The following SEPTIN7 variants were observed in gnomAD, a reference collection of about 807,000 sequenced individuals.
The protein encoded by SEPTIN7 is septin 7, also known as septin-7.
A neutral mutation model predicts 63.3 loss-of-function variants in SEPTIN7; 10 were observed. The observed-to-expected ratio is 0.16, with a 90% CI of 0.10 to 0.27. The LOEUF (loss-of-function observed/expected upper bound fraction) is 0.27, where lower values mean the gene tolerates loss of function less well. SEPTIN7 is among the 10% of genes least tolerant of loss of function. The probability of loss-of-function intolerance (pLI) is 1.00; values close to 1 mark genes in which losing one functional copy is unlikely to be tolerated. For synonymous variants in SEPTIN7, 131 were observed against 165.3 expected (o/e 0.79, Z 1.59); for missense variants, 310 against 521.0 (o/e 0.59, Z 3.94).
At chr7:35,826,902 G>A (rs540595773) in intron 1 of SEPTIN7, among the ~76,000 whole-genome samples, 2 of 152,074 alleles carry the variant, frequency 1.3e-5, no homozygotes, top group South Asian at 2.1e-4. Context: ...GCAAGAGAAC[G>A]TAAAGAATTC....
At chr7:35,900,443 T>G (rs920088478) in intron 12 of SEPTIN7, 1 of 152,252 alleles carries the variant, frequency 6.6e-6, no homozygotes, top group African/African-American at 2.4e-5. Context: ...GTCTTAGCTA[T>G]TGCTGTTGTA....
At chr7:35,836,547 A>G (rs1562535359) in intron 3 of SEPTIN7, among the ~76,000 whole-genome samples, 1 of 150,624 alleles carries the variant, frequency 6.6e-6, no homozygotes, top group Non-Finnish European at 1.5e-5. Flanking sequence ...TGGCACTTCT[A>G]TTTTTTTTTC....
chr7:35,870,162 T>C (rs1786058403), intron 4 of SEPTIN7, among the ~76,000 whole-genome samples: 1 of 152,210 alleles, frequency 6.6e-6, no homozygotes, highest in Non-Finnish European at 1.5e-5. Flanking sequence ...TGACCGTGTA[T>C]GGATACACAG....
chr7:35,902,240 G>A (rs1788367410), intron 12 of SEPTIN7: 1 of 150,226 alleles, frequency 6.7e-6, no homozygotes, highest in African/African-American at 2.4e-5. Context: ...GAAATGGATT[G>A]ACTTGCACCT....
chr7:35,852,875 A>C (rs1785027209), intron 3 of SEPTIN7, among the ~76,000 whole-genome samples: 1 of 152,122 alleles, frequency 6.6e-6, no homozygotes, highest in Non-Finnish European at 1.5e-5. Context: ...ATATTCACTG[A>C]ATCAGTGTTA....
At chr7:35,888,376 A>G (rs1190845757) in intron 10 of SEPTIN7, among the ~76,000 whole-genome samples, 1 of 152,232 alleles carries the variant, frequency 6.6e-6, no homozygotes, top group Non-Finnish European at 1.5e-5. Context: ...ATTATCTAAA[A>G]TATTAGATGA....
At chr7:35,808,655 A>G (rs553722904) in intron 1 of SEPTIN7, among the ~76,000 whole-genome samples, 1 of 152,328 alleles carries the variant, frequency 6.6e-6, no homozygotes, top group African/African-American at 2.4e-5. Context: ...GCTGTGCCCT[A>G]ACATAGTAGA....
At chr7:35,831,007 G>A (rs1783808193) in intron 1 of SEPTIN7, among the ~76,000 whole-genome samples, 1 of 152,258 alleles carries the variant, frequency 6.6e-6, no homozygotes, top group South Asian at 2.1e-4. Context: ...GATCTGAGCT[G>A]TCTTAATCCA....
At chr7:35,801,537 C>T (rs1471331479) in intron 1 of SEPTIN7, among the ~76,000 whole-genome samples, 4 of 151,590 alleles carry the variant, frequency 2.6e-5, no homozygotes, top group African/African-American at 2.4e-5. Flanking sequence ...GCCCCCGGCG[C>T]AGAGCCGCGG....
chr7:35,915,062 C>T, the SEPTIN7 span, among the ~76,000 whole-genome samples: 1 of 149,580 alleles, frequency 6.7e-6, no homozygotes, highest in Non-Finnish European at 1.5e-5. Flanking sequence ...TATATATACA[C>T]AGATGCATGC....
chr7:35,806,106 G>A (rs1434337974), intron 1 of SEPTIN7, among the ~76,000 whole-genome samples: 2 of 152,186 alleles, frequency 1.3e-5, no homozygotes, highest in Admixed American at 1.3e-4. Context: ...ATGTCACGTG[G>A]GGGAGCAGAA....
At chr7:35,891,743 T>C (rs2116337619) in intron 11 of SEPTIN7, among the ~76,000 whole-genome samples, 1 of 152,302 alleles carries the variant, frequency 6.6e-6, no homozygotes, top group East Asian at 1.9e-4. Context: ...ATTTTTTAAA[T>C]TTCTCTTCAA....
At chr7:35,887,005 CACTT>C (rs1480357184) in intron 10 of SEPTIN7, among the ~76,000 whole-genome samples, 2 of 152,190 alleles carry the variant, frequency 1.3e-5, no homozygotes, top group Non-Finnish European at 2.9e-5. Flanking sequence ...TGCCAGGCCT[CACTT>C]AGTGGAGAAG....
At chr7:35,889,248 G>T (rs1787485869) in intron 10 of SEPTIN7, among the ~76,000 whole-genome samples, 1 of 152,208 alleles carries the variant, frequency 6.6e-6, no homozygotes, top group Non-Finnish European at 1.5e-5. Context: ...CAGGAGTAGG[G>T]AGCTGCCTGA....
chr7:35,853,242 G>A (rs1220378549), intron 3 of SEPTIN7, among the ~76,000 whole-genome samples: 4 of 152,058 alleles, frequency 2.6e-5, no homozygotes, highest in Admixed American at 2.0e-4. Flanking sequence ...GACCAGCCTG[G>A]GCAACATAGT....
intron 1 of SEPTIN7, among the ~76,000 whole-genome samples, chr7:35,807,096 C>G (rs1788391928): frequency 6.6e-6 from 1 of 152,122 alleles, no homozygotes; most frequent in South Asian, 2.1e-4. Context: ...CAGGAAGTAT[C>G]AGACACTTTG....
At chr7:35,823,108 AAAG>A (rs1172593095) in intron 1 of SEPTIN7, among the ~76,000 whole-genome samples, 5 of 152,316 alleles carry the variant, frequency 3.3e-5, no homozygotes, top group African/African-American at 1.2e-4. Context: ...AATATTAAAA[AAAG>A]AAATAATAAC....
Position 35,877,684 on chromosome 7 carries a change from G to A in SEPTIN7, c.513-2139G>A, listed in dbSNP as rs186798888. Reference sequence around the variant, plus strand: ...AATATATTCCAGATTTGAGGACTTCGGTTCTCATTTAGAATTACTAAAGGA... The same window carrying A: ...AATATATTCCAGATTTGAGGACTTCAGTTCTCATTTAGAATTACTAAAGGA... On this transcript the variant is annotated intron_variant, in intron 6 of 13. Transcript: ENST00000350320. Among the ~76,000 whole-genome samples, 195 of 152,196 alleles carry A rather than the reference G, an allele frequency of 1.3e-3. 2 individuals are homozygous for A. Among genetic ancestry groups the A allele is most frequent in the Admixed American group, 1.2e-3 (19 of 15,278 alleles).
chr7:35,888,233 T>C (rs570604045), intron 10 of SEPTIN7, among the ~76,000 whole-genome samples: 17 of 152,282 alleles, frequency 1.1e-4, no homozygotes, highest in Non-Finnish European at 1.6e-4. Flanking sequence ...ATTTTGAGAA[T>C]GGAGGAGTGG....
Sources: allele counts gnomAD v4.1 joint callset (sites outside exome capture counted in the v4.1 genomes callset), GRCh38; gene constraint gnomAD v4.1.1; transcripts MANE v1.5; gene names NCBI Gene and HGNC (gene_info 2026-07-23, HGNC 2026-07-21).